The following MARCHF1 variants were observed in gnomAD, a reference collection of about 807,000 sequenced individuals.
The protein encoded by MARCHF1 is membrane associated ring-CH-type finger 1.
Under a neutral mutation model 54.2 loss-of-function variants are expected in MARCHF1, and 40 were observed. The observed-to-expected ratio is 0.74, with a 90% CI of 0.57 to 0.96. MARCHF1 has a LOEUF of 0.96. Among genes scored for constraint, MARCHF1 ranks in the 40% least tolerant of loss-of-function variants. The probability of loss-of-function intolerance (pLI) is 0.00; values close to 1 mark genes in which losing one functional copy is unlikely to be tolerated. For missense variants in MARCHF1, 586 were observed against 656.5 expected (o/e 0.89, Z 1.17); for synonymous variants, 236 against 236.3 (o/e 1.00, Z 0.01).
intron 3 of MARCHF1, among the ~76,000 whole-genome samples, chr4:163,888,397 G>A (rs1750585625): frequency 6.6e-6 from 1 of 152,128 alleles, no homozygotes; most frequent in Non-Finnish European, 1.5e-5. Flanking sequence ...TAGAATTCTG[G>A]TGTGATTGGC....
At chr4:164,224,417 C>T (rs1732195831) in intron 1 of MARCHF1, among the ~76,000 whole-genome samples, 1 of 151,772 alleles carries the variant, frequency 6.6e-6, no homozygotes, top group Non-Finnish European at 1.5e-5. Context: ...GATTTCTTAC[C>T]TCTCTTGCTA....
intron 4 of MARCHF1, among the ~76,000 whole-genome samples, chr4:163,778,384 T>C (rs188084131): frequency 6.6e-6 from 1 of 152,324 alleles, no homozygotes; most frequent in East Asian, 1.9e-4. Context: ...GTCAGTCTTT[T>C]GAATTTTAGC....
In MARCHF1 at chr4:163,612,583, T is replaced by C; in HGVS notation, c.698A>G (p.His233Arg). ...TTGGTACCTTGTATGTTTTCCTCTG[T>C]GGAGATTTAAAGAGCAACTCTCACA... is the stretch of plus-strand genomic sequence containing the variant. ...IECESCSLNL[H>R]RGKHTRYQEC... The change falls in exon 7 of 10, where the codon CAC (histidine) becomes CGC (arginine). Residue 233 changes from histidine (H) to arginine (R), a missense_variant. By Grantham distance (29) the His-to-Arg change is conservative. Coordinates refer to ENST00000514618, the MANE Select transcript of MARCHF1 (RefSeq NM_001394959.1). The C allele has an allele frequency of 6.5e-7, 1 of 1,535,606 alleles. No homozygotes were observed.
chr4:163,577,244 C>A (rs1392828304), intron 8 of MARCHF1, among the ~76,000 whole-genome samples: 11 of 151,940 alleles, frequency 7.2e-5, no homozygotes, highest in Non-Finnish European at 1.5e-4. Context: ...GTTTAGAACT[C>A]CCTTAAGGAT....
intron 1 of MARCHF1, among the ~76,000 whole-genome samples, chr4:164,148,653 A>G (rs1729842821): frequency 6.6e-6 from 1 of 152,166 alleles, no homozygotes; most frequent in Non-Finnish European, 1.5e-5. Context: ...TGTTATAAGA[A>G]AAATTCTGTT....
intron 4 of MARCHF1, among the ~76,000 whole-genome samples, chr4:163,732,442 A>T (rs2111328292): frequency 6.6e-6 from 1 of 152,232 alleles, no homozygotes; most frequent in East Asian, 1.9e-4. Context: ...ATCCTTAGTG[A>T]AGAAAAGAGA....
chr4:164,124,631 G>A (rs1448078305), intron 1 of MARCHF1, among the ~76,000 whole-genome samples: 2 of 149,966 alleles, frequency 1.3e-5, no homozygotes, highest in East Asian at 3.9e-4. Flanking sequence ...ACAACAACAT[G>A]GTTGGAAATG....
At chr4:163,587,714 G>A (rs1740454736) in intron 7 of MARCHF1, among the ~76,000 whole-genome samples, 1 of 152,036 alleles carries the variant, frequency 6.6e-6, no homozygotes, top group Admixed American at 6.6e-5. Context: ...AACCTCAGCA[G>A]CATGCAATAC....
At chr4:164,240,461 T>C (rs1468032611) in intron 1 of MARCHF1, among the ~76,000 whole-genome samples, 4 of 152,176 alleles carry the variant, frequency 2.6e-5, no homozygotes, top group Admixed American at 6.5e-5. Context: ...GTCTGCATCA[T>C]TGGACCTCTG....
At chr4:163,809,683 A>G (rs1579304038) in intron 4 of MARCHF1, among the ~76,000 whole-genome samples, 1 of 152,124 alleles carries the variant, frequency 6.6e-6, no homozygotes, top group African/African-American at 2.4e-5. Context: ...TTTTTATAAC[A>G]TATATCATGT....
At chr4:163,578,945 T>C (rs10155430) in intron 8 of MARCHF1, among the ~76,000 whole-genome samples, 74,925 of 151,940 alleles carry the variant, frequency 0.49, 18,616 homozygotes, top group African/African-American at 0.55. Flanking sequence ...TTGCTGGTGA[T>C]GTGAACTGAA....
At chr4:163,910,932 A>T (rs1751175879) in intron 3 of MARCHF1, among the ~76,000 whole-genome samples, 1 of 152,258 alleles carries the variant, frequency 6.6e-6, no homozygotes, top group South Asian at 2.1e-4. Flanking sequence ...AATCCTTAAC[A>T]GTAAGTTAAA....
intron 4 of MARCHF1, among the ~76,000 whole-genome samples, chr4:163,726,806 A>G (rs2111311291): frequency 6.6e-6 from 1 of 152,324 alleles, no homozygotes; most frequent in East Asian, 1.9e-4. Flanking sequence ...ACAGATGTAT[A>G]GTGATATTGT....
chr4:163,567,824 T>G (rs1010754475), intron 8 of MARCHF1, among the ~76,000 whole-genome samples: 1 of 152,172 alleles, frequency 6.6e-6, no homozygotes, highest in Non-Finnish European at 1.5e-5. Flanking sequence ...ACTTGATTTT[T>G]TTTTTATTTT....
intron 3 of MARCHF1, among the ~76,000 whole-genome samples, chr4:163,982,043 C>T (rs1168015381): frequency 6.6e-6 from 1 of 152,180 alleles, no homozygotes; most frequent in East Asian, 1.9e-4. Flanking sequence ...CTTATTAATG[C>T]AATTATCCAC....
intron 2 of MARCHF1, among the ~76,000 whole-genome samples, chr4:164,002,540 A>G (rs964365386): frequency 6.6e-6 from 1 of 151,762 alleles, no homozygotes; most frequent in Non-Finnish European, 1.5e-5. Context: ...AAAAAACTTA[A>G]AAAACCAGTG....
intron 2 of MARCHF1, among the ~76,000 whole-genome samples, chr4:164,004,636 A>G (rs995578173): frequency 1.3e-5 from 2 of 152,126 alleles, no homozygotes; most frequent in Non-Finnish European, 2.9e-5. Flanking sequence ...TGAAATAATC[A>G]TGTATATATT....
chr4:163,832,023 C>T (rs1029230528), intron 4 of MARCHF1, among the ~76,000 whole-genome samples: 1 of 152,140 alleles, frequency 6.6e-6, no homozygotes, highest in Non-Finnish European at 1.5e-5. Context: ...AAGCTCAAAA[C>T]AGATTAGAAC....
chr4:163,736,275 C>T (rs10033491), intron 4 of MARCHF1, among the ~76,000 whole-genome samples: 1,926 of 152,056 alleles, frequency 0.013, 44 homozygotes, highest in African/African-American at 0.041. Flanking sequence ...ACAAGCACTG[C>T]ATACTATATC....
Sources: allele counts gnomAD v4.1 joint callset (sites outside exome capture counted in the v4.1 genomes callset), GRCh38; gene constraint gnomAD v4.1.1; transcripts MANE v1.5; gene names NCBI Gene and HGNC (gene_info 2026-07-23, HGNC 2026-07-21).